The following GPHN variants were observed in gnomAD, a reference collection of about 807,000 sequenced individuals.
The protein encoded by GPHN is gephyrin.
In GPHN, 17 loss-of-function variants were observed where a neutral mutation model predicts 95.5. The observed-to-expected ratio is 0.18, with a 90% CI of 0.12 to 0.27. The LOEUF is 0.27. GPHN is among the 10% of genes least tolerant of loss of function. The pLI is 1.00. For missense variants in GPHN, 660 were observed against 978.1 expected, an observed-to-expected ratio of 0.67 and a Z score of 4.34; for synonymous variants, 320 against 322.5, an observed-to-expected ratio of 0.99 and a Z score of 0.08.
intron 9 of GPHN, among the ~76,000 whole-genome samples, chr14:66,985,235 C>T (rs1447478020): frequency 3.3e-5 from 5 of 152,142 alleles, no homozygotes; most frequent in Non-Finnish European, 7.4e-5. Flanking sequence ...AAGAATGATG[C>T]TTGTCAGGAC....
intron 19 of GPHN, among the ~76,000 whole-genome samples, chr14:67,161,335 T>C (rs779059600): frequency 1.3e-5 from 2 of 151,670 alleles, no homozygotes; most frequent in Non-Finnish European, 2.9e-5. Context: ...CTATTGGATT[T>C]TGTCTTACGC....
chr14:66,775,773 A>T (rs1342676715), intron 2 of GPHN, among the ~76,000 whole-genome samples: 1 of 152,242 alleles, frequency 6.6e-6, no homozygotes, highest in Non-Finnish European at 1.5e-5. Context: ...TTTCTAAAAA[A>T]TATTTCAAAC....
the GPHN span, among the ~76,000 whole-genome samples, chr14:67,669,841 T>C: frequency 6.6e-6 from 1 of 152,200 alleles, no homozygotes; most frequent in African/African-American, 2.4e-5. Flanking sequence ...AGCTCACCCC[T>C]GTAACCCCAG....
chr14:67,732,738 G>A, the GPHN span, among the ~76,000 whole-genome samples: 2,603 of 152,010 alleles, frequency 0.017, 87 homozygotes, highest in African/African-American at 0.059. Flanking sequence ...CACCACACCC[G>A]GCTAATTGTT....
At chr14:66,539,761 A>G (rs1033366151) in intron 1 of GPHN, among the ~76,000 whole-genome samples, 1 of 152,036 alleles carries the variant, frequency 6.6e-6, no homozygotes, top group Non-Finnish European at 1.5e-5. Flanking sequence ...TGTCTGGGCC[A>G]ATCTCAGTTC....
intron 1 of GPHN, among the ~76,000 whole-genome samples, chr14:66,572,264 A>C (rs975037301): frequency 6.6e-6 from 1 of 152,174 alleles, no homozygotes; most frequent in African/African-American, 2.4e-5. Context: ...TGTGAATTTT[A>C]GGATTTTTCT....
chr14:66,852,441 G>A (rs1346009054), intron 4 of GPHN, among the ~76,000 whole-genome samples: 1 of 152,240 alleles, frequency 6.6e-6, no homozygotes, highest in African/African-American at 2.4e-5. Context: ...GCTAAATGCA[G>A]GAGTTGAGAG....
In GPHN at chr14:66,689,818, T is replaced by C. The variant is rs1172332354; in HGVS notation, c.143+8633T>C. 2.0e-5 allele frequency among the ~76,000 whole-genome samples: 3 copies of C among 152,092 alleles called. No homozygotes were observed. In the East Asian group the frequency reaches 5.8e-4, roughly 29 times the overall value. ...CTAGGTTTTCTAATTTGTTGGCGTA[T>C]AGTTGTTCATAATAGTCTTTAATGA... On this transcript the variant is annotated intron_variant, in intron 2 of 22. Transcript: ENST00000478722.
the GPHN span, among the ~76,000 whole-genome samples, chr14:67,392,043 C>T: frequency 6.6e-6 from 1 of 152,106 alleles, no homozygotes; most frequent in African/African-American, 2.4e-5. Context: ...TGAAGCTGGG[C>T]AATTGTGTAG....
the GPHN span, among the ~76,000 whole-genome samples, chr14:67,534,157 G>C: frequency 1.3e-5 from 2 of 152,176 alleles, no homozygotes; most frequent in African/African-American, 4.8e-5. Context: ...TGTTTGGACT[G>C]TCTTCTATGT....
At chr14:66,767,085 TGAAAAA>T (rs141119059) in intron 2 of GPHN, among the ~76,000 whole-genome samples, 28 of 152,162 alleles carry the variant, frequency 1.8e-4, no homozygotes, top group African/African-American at 6.5e-4. Flanking sequence ...AACTATGTGT[TGAAAAA>T]GAAAAGTAAT....
the GPHN span, among the ~76,000 whole-genome samples, chr14:67,188,056 T>C: frequency 6.6e-6 from 1 of 152,172 alleles, no homozygotes; most frequent in Non-Finnish European, 1.5e-5. Flanking sequence ...TACCTTGCAT[T>C]GCACTCACCA....
intron 1 of GPHN, among the ~76,000 whole-genome samples, chr14:66,529,129 C>G (rs2058810274): frequency 6.6e-6 from 1 of 152,142 alleles, no homozygotes; most frequent in South Asian, 2.1e-4. Context: ...TCTTTGTTAA[C>G]ATAGTCCCAT....
chr14:66,802,568 A>G (rs1465664080), intron 3 of GPHN, among the ~76,000 whole-genome samples: 2 of 152,128 alleles, frequency 1.3e-5, no homozygotes, highest in African/African-American at 4.8e-5. Flanking sequence ...AATGTGCAGA[A>G]TCTCACCTGA....
At chr14:67,594,030 T>C in the GPHN span, 19 of 925,310 alleles carry the variant, frequency 2.1e-5, no homozygotes, top group East Asian at 4.9e-4. Context: ...GGAACATGCA[T>C]GGAGGAAAAG....
At chr14:67,727,006 C>G in the GPHN span, 8 of 1,612,956 alleles carry the variant, frequency 5.0e-6, no homozygotes, top group East Asian at 2.2e-5. Flanking sequence ...CCTACCTGCT[C>G]CTGGAGCGGC....
chr14:66,675,545 C>A (rs1354263722), intron 1 of GPHN, among the ~76,000 whole-genome samples: 2 of 152,092 alleles, frequency 1.3e-5, no homozygotes, highest in African/African-American at 4.8e-5. Flanking sequence ...CAAATATTTT[C>A]TTTCATTCAA....
the GPHN span, among the ~76,000 whole-genome samples, chr14:67,732,692 T>A: frequency 6.6e-6 from 1 of 152,310 alleles, no homozygotes; most frequent in East Asian, 1.9e-4. Flanking sequence ...TTCTCCTGCA[T>A]CAGCCTCCCA....
intron 6 of GPHN, among the ~76,000 whole-genome samples, chr14:66,920,533 C>CTT (rs753181787): frequency 7.2e-6 from 1 of 138,126 alleles, no homozygotes; most frequent in Admixed American, 7.2e-5. Context: ...GCAGTGCATG[C>CTT]TTTTTTTTTT....
Sources: gnomAD v4.1 joint callset for allele counts (sites outside exome capture counted in the v4.1 genomes callset) on GRCh38, gnomAD v4.1.1 for gene constraint, MANE v1.5 for transcripts, NCBI Gene and HGNC (gene_info 2026-07-23, HGNC 2026-07-21) for gene names.